The following BRCA1 variants were observed in gnomAD, a reference collection of about 807,000 sequenced individuals.
The protein encoded by BRCA1 is BRCA1 DNA repair associated.
Under a neutral mutation model 173.7 loss-of-function variants are expected in BRCA1, and 140 were observed. The observed-to-expected ratio is 0.81, with a 90% CI of 0.70 to 0.93. The LOEUF is 0.93. Among genes scored for constraint, BRCA1 ranks in the 40% least tolerant of loss-of-function variants. The pLI is 0.00. For synonymous variants in BRCA1, 662 were observed against 756.0 expected, an observed-to-expected ratio of 0.88 and a Z score of 2.04; for missense variants, 1,983 against 2,172.5, an observed-to-expected ratio of 0.91 and a Z score of 1.73.
chr17:43,108,918 G>C (rs1303710417), intron 3 of BRCA1, among the ~76,000 whole-genome samples: 2 of 151,918 alleles, frequency 1.3e-5, no homozygotes, highest in Non-Finnish European at 2.9e-5. Flanking sequence ...TCTTGAACCC[G>C]GGAGGCGGAG....
rs761424661 is a variant in BRCA1 at position 43,091,556 on chromosome 17, C to A, written c.3975G>T (p.Arg1325Ser). Residue 1325 changes from arginine (R) to serine (S), a missense_variant, in exon 10 of 23, where the codon AGG (arginine) becomes AGT (serine). Physicochemically the swap from Arg to Ser is moderately radical, Grantham distance 110. Transcript: ENST00000357654. ...PFLIGSSKQMRHQSESQGVGL... is the reference protein window; with the variant it reads ...PFLIGSSKQMSHQSESQGVGL... ...CAACTCCCTGGCTTTCAGACTGATGCCTCATTTGTTTGGAAGAACCAATCA... is the reference window on the plus strand; with the variant it reads ...CAACTCCCTGGCTTTCAGACTGATGACTCATTTGTTTGGAAGAACCAATCA... 6.2e-7 allele frequency: 1 copy of A among 1,614,182 alleles called. No individual in the cohort carries two copies. The highest frequency in any genetic ancestry group is 8.5e-7 in the Non-Finnish European group (1 of 1,180,032).
rs8176247 is a variant in BRCA1 at position 43,065,089 on chromosome 17, CA to C, written c.5075-1139del. Reference sequence around the variant, plus strand: ...TCGTGATCTGCCCGCCTTGGCCCCCCAAAGCGCTGGGATTACAGGCCTGAGC... The same window carrying C: ...TCGTGATCTGCCCGCCTTGGCCCCCCAAGCGCTGGGATTACAGGCCTGAGC... On this transcript the variant is annotated intron_variant, in intron 16 of 22. Transcript: ENST00000357654. 0.015 allele frequency among the ~76,000 whole-genome samples: 2,241 copies of C among 152,254 alleles called. 48 individuals carry two copies. Among genetic ancestry groups the C allele is most frequent in the African/African-American group, 0.051 (2,130 of 41,556 alleles).
At chr17:43,117,497 T>A (rs1288766834) in intron 2 of BRCA1, among the ~76,000 whole-genome samples, 1 of 151,914 alleles carries the variant, frequency 6.6e-6, no homozygotes, top group African/African-American at 2.4e-5. Flanking sequence ...ATCCCAGCAC[T>A]TGGGAGGCCG....
At chr17:43,057,156 C>T (rs2051535489) in intron 18 of BRCA1, 21 bp from the exon 19 acceptor site, 2 of 1,609,894 alleles carry the variant, frequency 1.2e-6, no homozygotes, top group Non-Finnish European at 1.7e-6. Flanking sequence ...CCAAACACAA[C>T]CCATCAGGAT....
At chr17:43,149,138 G>A (rs1031870416) in intron 1 of BRCA1, among the ~76,000 whole-genome samples, 1 of 148,808 alleles carries the variant, frequency 6.7e-6, no homozygotes, top group East Asian at 2.0e-4. Context: ...TTGCCCTGTC[G>A]CCCAGGCTGG....
chr17:43,107,385 T>A (rs1371160372), intron 3 of BRCA1, among the ~76,000 whole-genome samples: 6 of 148,380 alleles, frequency 4.0e-5, no homozygotes, highest in Non-Finnish European at 9.0e-5. Context: ...TTTCTTAATT[T>A]TTTTTTTTTT....
At chr17:43,144,266 A>C (rs1230854103) in intron 1 of BRCA1, 1 of 308,500 alleles carries the variant, frequency 3.2e-6, no homozygotes, top group Non-Finnish European at 6.5e-6. Flanking sequence ...TGTAAGGGCG[A>C]AAAGCCCCCT....
chr17:43,094,682 T>C lies in BRCA1; in HGVS notation c.849A>G (p.Leu283=), dbSNP rs1567801796. The change falls in exon 10 of 23, where the codon TTA becomes TTG. Residue 283 remains leucine, a synonymous_variant. Transcript: ENST00000357654. The part of the protein sequence containing the change: ...PCGTNTHASS[L]QHENSSLLLT... ...GTAATAAACTGCTGTTCTCATGCTG[T>C]AATGAGCTGGCATGAGTATTTGTGC... 1 of 1,614,010 alleles carries C rather than the reference T, an allele frequency of 6.2e-7. No homozygotes were observed. Among genetic ancestry groups the C allele is most frequent in the Admixed American group, 1.7e-5 (1 of 59,996 alleles).
rs1297486138 is a variant in BRCA1, at chr17:43,049,335, G to A, written c.5333-141C>T. The A allele has an allele frequency of 1.3e-6, 1 of 794,088 alleles. No individual in the cohort carries two copies. The highest frequency in any genetic ancestry group is 2.1e-6 in the Non-Finnish European group (1 of 467,000). The allele number at this position is 794,088 out of a possible 1,614,324, so 49.2% of individuals were successfully genotyped here. Reference sequence around the variant, plus strand: ...TGTCTCTCTGCTCCAAAGGACAATGGTCTTAAAATAGTAGGGGTATGGATT... The same window carrying A: ...TGTCTCTCTGCTCCAAAGGACAATGATCTTAAAATAGTAGGGGTATGGATT... On this transcript the variant is annotated intron_variant, in intron 20 of 22. Transcript: ENST00000357654.
At chr17:43,106,860 T>C (rs944197925) in intron 3 of BRCA1, among the ~76,000 whole-genome samples, 46 of 152,168 alleles carry the variant, frequency 3.0e-4, no homozygotes, top group African/African-American at 1.1e-3. Context: ...TAATCAAATA[T>C]AAACGGTAAG....
At chr17:43,051,953 G>A (rs2051261017) in intron 19 of BRCA1, among the ~76,000 whole-genome samples, 1 of 151,926 alleles carries the variant, frequency 6.6e-6, no homozygotes, top group Non-Finnish European at 1.5e-5. Flanking sequence ...CTTTCTTCTA[G>A]CCCCCTAAAC....
intron 14 of BRCA1, 144 bp downstream of exon 14, chr17:43,074,186 AT>A (rs891240277): frequency 3.2e-5 from 23 of 711,300 alleles, no homozygotes; most frequent in Non-Finnish European, 4.6e-5. Context: ...CACTTGAGCT[AT>A]TTTTCTAAAG....
At chr17:43,107,057 A>G (rs1416369522) in intron 3 of BRCA1, among the ~76,000 whole-genome samples, 3 of 146,924 alleles carry the variant, frequency 2.0e-5, no homozygotes, top group Non-Finnish European at 4.4e-5. Flanking sequence ...ATAAATACCA[A>G]GACAATTTTT....
At chr17:43,069,569 T>C (rs907047909) in intron 15 of BRCA1, among the ~76,000 whole-genome samples, 2 of 152,190 alleles carry the variant, frequency 1.3e-5, no homozygotes, top group African/African-American at 4.8e-5. Context: ...TGCAGGCAAG[T>C]GATCAAGAGC....
intron 19 of BRCA1, among the ~76,000 whole-genome samples, chr17:43,055,179 T>C (rs544528686): frequency 1.2e-4 from 19 of 152,360 alleles, no homozygotes; most frequent in African/African-American, 4.3e-4. Context: ...TCTTGCAGAC[T>C]TTCTCCCTGT....
At position 43,118,802 on chromosome 17, in the gene BRCA1, T is replaced by G. The variant is rs901850862; in HGVS notation, c.81-3023A>C. On this transcript the variant is annotated intron_variant, in intron 2 of 22. Transcript: ENST00000357654. ...GGAGATGGAGTCTCACTCACTCTGC[T>G]GCTCAGGCTGGAGTGCAGTGGTGTG... 6.1e-5 allele frequency among the ~76,000 whole-genome samples: 9 copies of G among 148,372 alleles called. No individual in the cohort carries two copies. The Admixed American group carries it at 6.1e-4, about 10-fold the overall frequency.
intron 10 of BRCA1, 136 bp downstream of exon 10, chr17:43,091,299 G>T: frequency 8.4e-7 from 1 of 1,192,490 alleles, no homozygotes; most frequent in Non-Finnish European, 1.2e-6. Flanking sequence ...CACCTTAGGA[G>T]GAACATGTTT....
chr17:43,058,045 A>AAT (rs1555577185), intron 18 of BRCA1, among the ~76,000 whole-genome samples: 2 of 148,634 alleles, frequency 1.3e-5, no homozygotes, highest in Non-Finnish European at 1.5e-5. Context: ...AAAAAAAAAA[A>AAT]TTTAAGGCAT....
In BRCA1 at chr17:43,100,595, T is replaced by A. The variant is rs10445317; in HGVS notation, c.442-715A>T. On this transcript the variant is annotated intron_variant, in intron 6 of 22. Transcript: ENST00000357654. ...ATAACATATATATAACATATATATA[T>A]TATATATATATAACATATATATAAC... Among the ~76,000 whole-genome samples, 6,055 of 61,456 alleles carry A rather than the reference T, an allele frequency of 0.099. 928 individuals are homozygous for A. Among genetic ancestry groups the A allele is most frequent in the South Asian group, 0.23 (442 of 1,952 alleles). 40.3% of individuals were successfully genotyped at this position (61,456 alleles called of 152,430 possible).
Sources: gnomAD v4.1 joint callset for allele counts (sites outside exome capture counted in the v4.1 genomes callset) on GRCh38, gnomAD v4.1.1 for gene constraint, MANE v1.5 for transcripts, NCBI Gene and HGNC (gene_info 2026-07-23, HGNC 2026-07-21) for gene names.